The following LRP1B variants were observed in gnomAD, a reference collection of about 807,000 sequenced individuals.
The protein encoded by LRP1B is LDL receptor related protein 1B.
A neutral mutation model predicts 556.6 loss-of-function variants in LRP1B; 217 were observed. That is an observed-to-expected ratio of 0.39 (90% CI 0.35 to 0.44). LRP1B has a LOEUF of 0.44. Ranked by LOEUF, LRP1B falls within the 20% of genes least tolerant of loss-of-function variation. The pLI, the probability that LRP1B is intolerant of heterozygous loss-of-function variation, is 1.00. For missense variants in LRP1B, 5,053 were observed against 5,620.8 expected (o/e 0.90, Z 3.23); for synonymous variants, 2,047 against 1,865.8 (o/e 1.10, Z -2.50).
chr2:141,024,510 A>C (rs1698162546), intron 11 of LRP1B, among the ~76,000 whole-genome samples: 1 of 152,022 alleles, frequency 6.6e-6, no homozygotes, highest in African/African-American at 2.4e-5. Flanking sequence ...TCACTCTATG[A>C]CATTCAGTTA....
chr2:140,519,485 T>C (rs1393794453), intron 49 of LRP1B, among the ~76,000 whole-genome samples: 1 of 152,176 alleles, frequency 6.6e-6, no homozygotes, highest in Non-Finnish European at 1.5e-5. Context: ...GACTTAAATG[T>C]TAGACCTAAA....
intron 84 of LRP1B, among the ~76,000 whole-genome samples, chr2:140,285,324 C>CATATGTATATATGTGTACAT (rs1683100251): frequency 2.5e-5 from 2 of 81,024 alleles, no homozygotes; most frequent in African/African-American, 5.8e-5. Flanking sequence ...CATACACACA[C>CATATGTATATATGTGTACAT]ATATACACAT....
At chr2:140,947,622 T>G (rs1056433497) in intron 20 of LRP1B, among the ~76,000 whole-genome samples, 2 of 152,208 alleles carry the variant, frequency 1.3e-5, no homozygotes, top group African/African-American at 4.8e-5. Flanking sequence ...TTTTACAACT[T>G]CTATACCAGA....
chr2:140,363,260 T>C (rs532284372), intron 72 of LRP1B, among the ~76,000 whole-genome samples: 2 of 151,746 alleles, frequency 1.3e-5, no homozygotes, highest in African/African-American at 4.8e-5. Context: ...AATGTTGATA[T>C]TGCTCACTGA....
At chr2:140,270,220 C>A (rs2104943544) in intron 86 of LRP1B, 22 bp downstream of exon 86, 1 of 1,557,226 alleles carries the variant, frequency 6.4e-7, no homozygotes. Context: ...ATAAGATGCC[C>A]ATGACTTGAT....
chr2:141,007,698 G>T (rs1156528959), intron 14 of LRP1B, among the ~76,000 whole-genome samples: 1 of 151,500 alleles, frequency 6.6e-6, no homozygotes, highest in Non-Finnish European at 1.5e-5. Context: ...AACATATTTT[G>T]AGAAATATAT....
chr2:141,469,766 T>C (rs1682389368), intron 3 of LRP1B, among the ~76,000 whole-genome samples: 1 of 152,194 alleles, frequency 6.6e-6, no homozygotes, highest in African/African-American at 2.4e-5. Flanking sequence ...TAAATATTTA[T>C]GGTTAATTCT....
chr2:141,155,079 A>G (rs1702031591), intron 7 of LRP1B, among the ~76,000 whole-genome samples: 1 of 151,976 alleles, frequency 6.6e-6, no homozygotes, highest in Admixed American at 6.6e-5. Flanking sequence ...GGAAAATGAA[A>G]TTCATTGCCA....
At chr2:141,585,986 G>A (rs1216434753) in intron 2 of LRP1B, among the ~76,000 whole-genome samples, 4 of 151,882 alleles carry the variant, frequency 2.6e-5, no homozygotes, top group Non-Finnish European at 4.4e-5. Context: ...CCAAGTTGCT[G>A]GGATTACAGA....
At chr2:141,431,445 GA>G (rs1483789486) in intron 3 of LRP1B, among the ~76,000 whole-genome samples, 9 of 152,148 alleles carry the variant, frequency 5.9e-5, no homozygotes, top group Non-Finnish European at 1.3e-4. Context: ...CAACCTGAAC[GA>G]TCTTAGCAGC....
intron 23 of LRP1B, among the ~76,000 whole-genome samples, chr2:140,891,729 G>T (rs778178697): frequency 1.3e-5 from 2 of 152,140 alleles, no homozygotes; most frequent in African/African-American, 2.4e-5. Flanking sequence ...GGTAGGCAGA[G>T]GGAATAGAAT....
chr2:140,662,710 C>A (rs918985236), intron 41 of LRP1B, among the ~76,000 whole-genome samples: 3 of 152,066 alleles, frequency 2.0e-5, no homozygotes, highest in South Asian at 2.1e-4. Flanking sequence ...CTATGGCAAA[C>A]CATTTTTATC....
At chr2:140,600,507 T>C (rs756689510) in intron 42 of LRP1B, among the ~76,000 whole-genome samples, 18 of 152,120 alleles carry the variant, frequency 1.2e-4, no homozygotes, top group Non-Finnish European at 2.5e-4. Flanking sequence ...TTCTGACAAG[T>C]GGTCTGGGTC....
intron 27 of LRP1B, among the ~76,000 whole-genome samples, chr2:140,862,628 T>G (rs1692831816): frequency 6.6e-6 from 1 of 152,170 alleles, no homozygotes; most frequent in Admixed American, 6.5e-5. Context: ...CCTACAAGCA[T>G]CTCCCAGATT....
chr2:140,353,963 C>A (rs1456158749), intron 75 of LRP1B, among the ~76,000 whole-genome samples: 1 of 151,988 alleles, frequency 6.6e-6, no homozygotes, highest in African/African-American at 2.4e-5. Flanking sequence ...ACCTCTAAAT[C>A]ACTAGCATAA....
chr2:141,560,935 T>C (rs1394958586), intron 2 of LRP1B, among the ~76,000 whole-genome samples: 2 of 151,662 alleles, frequency 1.3e-5, no homozygotes, highest in Non-Finnish European at 3.0e-5. Context: ...GATTCCTATT[T>C]ACTTTTCTTT....
chr2:140,658,875 C>T (rs1684983768), intron 41 of LRP1B, among the ~76,000 whole-genome samples: 1 of 151,902 alleles, frequency 6.6e-6, no homozygotes, highest in African/African-American at 2.4e-5. Context: ...ATTTGCAAAT[C>T]TGTTCAGTGA....
intron 2 of LRP1B, among the ~76,000 whole-genome samples, chr2:141,732,921 C>T (rs1693328258): frequency 6.6e-6 from 1 of 151,964 alleles, no homozygotes; most frequent in African/African-American, 2.4e-5. Context: ...GGAAAAATGT[C>T]AAAGTGAGGA....
chr2:140,344,976 G>C (rs1401122), intron 77 of LRP1B, among the ~76,000 whole-genome samples: 43,274 of 151,546 alleles, frequency 0.29, 7,593 homozygotes, highest in Non-Finnish European at 0.4. Flanking sequence ...TGTTTTACAG[G>C]CTTATTATTA....
Sources: allele counts gnomAD v4.1 joint callset (sites outside exome capture counted in the v4.1 genomes callset), GRCh38; gene constraint gnomAD v4.1.1; transcripts MANE v1.5; gene names NCBI Gene and HGNC (gene_info 2026-07-23, HGNC 2026-07-21).